ATF3: variants seen among roughly 807,000 people sequenced by gnomAD.
ATF3 encodes the protein activating transcription factor 3, also known as cyclic AMP-dependent transcription factor ATF-3.
ATF3 carries 10 observed loss-of-function variants against 18.4 expected under a neutral mutation model. That is an observed-to-expected ratio of 0.54 (90% CI 0.34 to 0.92). The LOEUF (loss-of-function observed/expected upper bound fraction) is 0.92. ATF3 is among the 40% of genes least tolerant of loss of function. The pLI is 0.02. For missense variants in ATF3, 183 were observed against 222.3 expected (o/e 0.82, Z 1.12); for synonymous variants, 78 against 87.9 (o/e 0.89, Z 0.63).
In ATF3 at chr1:212,583,028, C is replaced by T. The variant is rs545139145; in HGVS notation, c.-5+17545C>T. On this transcript the variant is annotated intron_variant, in intron 1 of 3. Transcript: ENST00000366981. ...TTCATCTCTCCAGGGAAAGGGAAAG[C>T]GCTAAAGAATGCCAGGGTTATGGAA... is the stretch of plus-strand genomic sequence containing the variant. Among the ~76,000 whole-genome samples, 17 of 152,144 alleles carry T rather than the reference C, an allele frequency of 1.1e-4. 2 individuals are homozygous for T. The highest frequency in any genetic ancestry group is 3.9e-4 in the African/African-American group (16 of 41,488).
intron 1 of ATF3, among the ~76,000 whole-genome samples, chr1:212,571,284 A>G (rs1386080854): frequency 6.6e-6 from 1 of 152,192 alleles, no homozygotes; most frequent in Non-Finnish European, 1.5e-5. Flanking sequence ...TTTTACATCT[A>G]ACTATATCTC....
At chr1:212,580,850 C>A (rs906513204) in intron 1 of ATF3, among the ~76,000 whole-genome samples, 1 of 152,190 alleles carries the variant, frequency 6.6e-6, no homozygotes, top group South Asian at 2.1e-4. Flanking sequence ...CTTACTGCAA[C>A]CTTCACCTCC....
intron 1 of ATF3, among the ~76,000 whole-genome samples, chr1:212,591,419 C>A (rs1038353672): frequency 1.4e-4 from 22 of 152,238 alleles, no homozygotes; most frequent in Admixed American, 1.1e-3. Flanking sequence ...GCTCAGGAAA[C>A]CAGTTGAGAA....
At chr1:212,609,195 T>C (rs1374449488) in intron 1 of ATF3, among the ~76,000 whole-genome samples, 1 of 152,158 alleles carries the variant, frequency 6.6e-6, no homozygotes. Flanking sequence ...AGGTCGGGCG[T>C]CCACTCTGCC....
Position 212,618,842 on chromosome 1 carries a change from TC to T in ATF3, c.349-514del. ...GCAGTCTTTCCAGTGGCTGTGTCCCTCCTCCAAATGTGGACAGGCCATGACA... is the reference window on the plus strand; with the variant it reads ...GCAGTCTTTCCAGTGGCTGTGTCCCTCTCCAAATGTGGACAGGCCATGACA... On this transcript the variant is annotated intron_variant, in intron 3 of 3. Coordinates refer to ENST00000341491, the MANE Select transcript of ATF3 (RefSeq NM_001674.4). This position sits in a 1 kb window ranked among gnomAD's most constrained non-coding sequence, Gnocchi z 4.4. 1 of 654,110 alleles carries T rather than the reference TC, an allele frequency of 1.5e-6. No homozygotes were observed. 40.5% of individuals were successfully genotyped at this position (654,110 alleles called of 1,614,324 possible). A position where few individuals can be genotyped will look rare whatever the true frequency, so the allele number is the denominator to read the frequency against.
At chr1:212,573,037 C>T (rs1010076958) in intron 1 of ATF3, among the ~76,000 whole-genome samples, 1 of 152,048 alleles carries the variant, frequency 6.6e-6, no homozygotes, top group Non-Finnish European at 1.5e-5. Flanking sequence ...TTTTGAATTT[C>T]CGGGAATGTA....
intron 1 of ATF3, among the ~76,000 whole-genome samples, chr1:212,566,910 G>C (rs1019734739): frequency 6.6e-6 from 1 of 152,148 alleles, no homozygotes; most frequent in African/African-American, 2.4e-5. Context: ...CAACTGAACA[G>C]TGACCAGAGT....
chr1:212,588,686 C>T (rs930249941), intron 1 of ATF3, among the ~76,000 whole-genome samples: 3 of 152,208 alleles, frequency 2.0e-5, no homozygotes, highest in African/African-American at 7.2e-5. Context: ...ACACCTGATT[C>T]CCACTCCCTG....
intron 1 of ATF3, among the ~76,000 whole-genome samples, chr1:212,590,530 T>C (rs1368909496): frequency 1.3e-5 from 2 of 152,200 alleles, no homozygotes; most frequent in African/African-American, 4.8e-5. Flanking sequence ...GTTGGTGGCA[T>C]GTGTGTGGGG....
upstream of ATF3, among the ~76,000 whole-genome samples, chr1:212,608,434 G>A (rs1396762475): frequency 1.3e-5 from 2 of 152,122 alleles, no homozygotes; most frequent in African/African-American, 4.8e-5. Context: ...ACGCAGCAGC[G>A]AGTACGCACA....
At chr1:212,583,817 G>C (rs915060635) in intron 1 of ATF3, among the ~76,000 whole-genome samples, 9 of 152,176 alleles carry the variant, frequency 5.9e-5, no homozygotes, top group Admixed American at 6.5e-5. Context: ...CTCCCGCTGG[G>C]CATCAGTTTC....
In ATF3 at chr1:212,619,897, A is replaced by C. The variant is rs11571555; in HGVS notation, c.*342A>C. The C allele has an allele frequency of 3.2e-6, 1 of 313,596 alleles. No homozygotes were observed. The highest frequency in any genetic ancestry group is 4.3e-5 in the Admixed American group (1 of 23,164). The allele number at this position is 313,596 out of a possible 1,614,324, so 19.4% of individuals were successfully genotyped here. A position where few individuals can be genotyped will look rare whatever the true frequency, so the allele number is the denominator to read the frequency against. On this transcript the variant is annotated 3_prime_UTR_variant, in exon 4 of 4. Coordinates refer to ENST00000341491, the MANE Select transcript of ATF3 (RefSeq NM_001674.4). The surrounding 1 kb of genome is among the most constrained non-coding windows in gnomAD (Gnocchi z 4.4). ...TGCCCACCGTTAGGATTCAGGCAGC[A>C]GTGTCTGTACCTCGGGTGGGAGGGA...
chr1:212,591,156 T>C (rs1443476831), intron 1 of ATF3, among the ~76,000 whole-genome samples: 1 of 152,256 alleles, frequency 6.6e-6, no homozygotes, highest in Non-Finnish European at 1.5e-5. Flanking sequence ...TTGCATATTC[T>C]GATCCTCTAC....
chr1:212,615,347 G>A, intron 2 of ATF3, 86 bp downstream of exon 2: 2 of 1,492,628 alleles, frequency 1.3e-6, no homozygotes, highest in Non-Finnish European at 9.0e-7. Context: ...GCAGGGGGCT[G>A]TTGTTGAGAG....
At chr1:212,617,999 T>C in intron 2 of ATF3, 128 bp from the exon 3 acceptor site, 1 of 807,362 alleles carries the variant, frequency 1.2e-6, no homozygotes, top group East Asian at 2.7e-5. Context: ...AGAGCTTTAG[T>C]ATTTCGGGGT....
At chr1:212,608,426 G>T (rs1179440872), upstream of ATF3, among the ~76,000 whole-genome samples, 1 of 152,048 alleles carries the variant, frequency 6.6e-6, no homozygotes, top group African/African-American at 2.4e-5. Flanking sequence ...CCTGGAACAC[G>T]CAGCAGCGAG....
intron 1 of ATF3, among the ~76,000 whole-genome samples, chr1:212,566,339 G>T (rs769514638): frequency 2.0e-4 from 30 of 152,152 alleles, no homozygotes; most frequent in Non-Finnish European, 4.4e-4. Context: ...ACAAGTTTGA[G>T]TGTCTGGCTC....
chr1:212,608,462 G>A (rs1654715623), upstream of ATF3, among the ~76,000 whole-genome samples: 1 of 152,156 alleles, frequency 6.6e-6, no homozygotes, highest in Admixed American at 6.5e-5. Context: ...GCTATCCCGG[G>A]CGGCTCCGGT....
intron 1 of ATF3, among the ~76,000 whole-genome samples, chr1:212,584,345 G>A (rs1664739145): frequency 6.6e-6 from 1 of 152,040 alleles, no homozygotes; most frequent in Admixed American, 6.5e-5. Flanking sequence ...AAGGGACTTG[G>A]CTCATGCAAT....
Sources: allele counts gnomAD v4.1 joint callset (sites outside exome capture counted in the v4.1 genomes callset), GRCh38; gene constraint gnomAD v4.1.1; non-coding constraint Gnocchi (gnomAD v3.1); transcripts MANE v1.5; gene names NCBI Gene and HGNC (gene_info 2026-07-23, HGNC 2026-07-21).